FAM149B1: variants seen among roughly 807,000 people sequenced by gnomAD.
The protein encoded by FAM149B1 is primary cilium assembly protein FAM149B1.
Under a neutral mutation model 75.3 loss-of-function variants are expected in FAM149B1, and 56 were observed. The observed-to-expected ratio is 0.74, with a 90% CI of 0.60 to 0.93. The LOEUF (loss-of-function observed/expected upper bound fraction) is 0.93, where lower values mean the gene tolerates loss of function less well. Ranked by LOEUF, FAM149B1 falls within the 40% of genes least tolerant of loss-of-function variation. FAM149B1 has a pLI of 0.00. For synonymous variants in FAM149B1, 259 were observed against 256.1 expected (o/e 1.01, Z -0.11); for missense variants, 639 against 708.4 (o/e 0.90, Z 1.11).
intron 12 of FAM149B1, 69 bp from the exon 13 acceptor site, chr10:73,239,243 G>A (rs918702493): frequency 7.4e-7 from 1 of 1,346,068 alleles, no homozygotes; most frequent in African/African-American, 1.5e-5. Context: ...GTGTTCCTGT[G>A]AACCTGCTAA....
Position 73,244,175 on chromosome 10 carries a change from T to C in FAM149B1, c.*3156T>C. 4.1e-6 allele frequency: 2 copies of C among 486,862 alleles called. No individual in the cohort carries two copies. Among genetic ancestry groups the C allele is most frequent in the Non-Finnish European group, 7.3e-6 (2 of 275,656 alleles). The allele number at this position is 486,862 out of a possible 1,614,324, so 30.2% of individuals were successfully genotyped here. On this transcript the variant is annotated 3_prime_UTR_variant, in exon 14 of 14. Coordinates refer to ENST00000242505, the MANE Select transcript of FAM149B1 (RefSeq NM_173348.2). ...TATTTGCTAGAGGTAGTAAGTACTC[T>C]GGCACTCATAAATCACATGATGATA...
At chr10:73,209,643 T>C (rs2043145109) in intron 6 of FAM149B1, among the ~76,000 whole-genome samples, 1 of 152,188 alleles carries the variant, frequency 6.6e-6, no homozygotes, top group African/African-American at 2.4e-5. Context: ...TAATGATTTG[T>C]CTCAAGTAAA....
At chr10:73,192,805 A>G (rs761258069) in intron 4 of FAM149B1, 107 bp downstream of exon 4, 20 of 1,070,102 alleles carry the variant, frequency 1.9e-5, no homozygotes, top group Non-Finnish European at 2.5e-5. Context: ...CATGACTTTA[A>G]TGAATGTAAA....
At chr10:73,211,207 T>C (rs1466976037) in intron 7 of FAM149B1, among the ~76,000 whole-genome samples, 1 of 152,186 alleles carries the variant, frequency 6.6e-6, no homozygotes, top group African/African-American at 2.4e-5. Context: ...GATTCAATTG[T>C]TGGCCATCGC....
chr10:73,227,353 G>A (rs975604515), intron 7 of FAM149B1, among the ~76,000 whole-genome samples: 7 of 152,272 alleles, frequency 4.6e-5, no homozygotes, highest in South Asian at 2.1e-4. Flanking sequence ...CCACAGTGCC[G>A]GGATTACAGA....
intron 8 of FAM149B1, among the ~76,000 whole-genome samples, chr10:73,228,893 C>T (rs1042501255): frequency 1.3e-5 from 2 of 152,054 alleles, no homozygotes; most frequent in Non-Finnish European, 2.9e-5. Context: ...ACCACCGCAC[C>T]TGGTCCCTGT....
In FAM149B1 at chr10:73,168,153, G is replaced by A; in HGVS notation, c.-187G>A. 1.6e-6 allele frequency: 1 copy of A among 612,856 alleles called. No individual in the cohort carries two copies. The highest frequency in any genetic ancestry group is 2.8e-6 in the Non-Finnish European group (1 of 355,922). 38.0% of individuals were successfully genotyped at this position (612,856 alleles called of 1,614,324 possible). ...CCCGCGGCAAAGCAGGGAGGTCGGA[G>A]GACTGGAGAGGTGGGGACCCTGGGG... On this transcript the variant is annotated 5_prime_UTR_variant, in exon 1 of 14. Coordinates refer to ENST00000242505, the MANE Select transcript of FAM149B1 (RefSeq NM_173348.2).
intron 10 of FAM149B1, chr10:73,234,148 G>A (rs1179712365): frequency 6.6e-6 from 1 of 152,288 alleles, no homozygotes; most frequent in Non-Finnish European, 1.5e-5. Context: ...GGCCACAGCA[G>A]TGTTTTCAAT....
chr10:73,187,560 T>C (rs894640228), intron 3 of FAM149B1, among the ~76,000 whole-genome samples: 2 of 151,010 alleles, frequency 1.3e-5, no homozygotes, highest in African/African-American at 4.9e-5. Flanking sequence ...AGAAACCCCG[T>C]CTCTACTAAA....
chr10:73,209,136 A>G (rs1031552014), intron 6 of FAM149B1, among the ~76,000 whole-genome samples: 6 of 152,222 alleles, frequency 3.9e-5, no homozygotes, highest in African/African-American at 1.4e-4. Flanking sequence ...GACTTTGTTT[A>G]CATAAATTCT....
chr10:73,208,710 G>T lies in FAM149B1; in HGVS notation c.634G>T (p.Glu212Ter). The change falls in exon 6 of 14, where the codon GAA becomes TAA. Residue 212 changes from glutamate (E) to a stop codon, truncating the protein, a stop_gained. Transcript: ENST00000242505. LOFTEE classifies it high-confidence loss of function. ...CAAATCCTCCAGCTTTTGTTCTATG[G>T]AAAGAGATGAGGAAGACTCTATAAT... ...IAKSSSFCSM[E>*]RDEEDSIIVS... The T allele has an allele frequency of 6.5e-7, 1 of 1,548,838 alleles. No individual in the cohort carries two copies. The highest frequency in any genetic ancestry group is 2.4e-5 in the East Asian group (1 of 40,862).
chr10:73,195,984 C>T (rs980506838), intron 5 of FAM149B1, among the ~76,000 whole-genome samples: 1 of 152,112 alleles, frequency 6.6e-6, no homozygotes, highest in Non-Finnish European at 1.5e-5. Flanking sequence ...TATTTTCACT[C>T]GAGTACCATT....
Position 73,243,264 on chromosome 10 carries a change from A to C in FAM149B1, c.*2245A>C. Reference sequence around the variant, plus strand: ...CAGGTTGAGAGATTCTGCTTGGTCTAGTCAATCTGAAAAATTCAGGCTGGA... The same window carrying C: ...CAGGTTGAGAGATTCTGCTTGGTCTCGTCAATCTGAAAAATTCAGGCTGGA... On this transcript the variant is annotated 3_prime_UTR_variant, in exon 14 of 14. Coordinates refer to ENST00000242505, the MANE Select transcript of FAM149B1 (RefSeq NM_173348.2). 1.1e-6 allele frequency: 1 copy of C among 894,220 alleles called. No homozygotes were observed. The highest frequency in any genetic ancestry group is 1.7e-6 in the Non-Finnish European group (1 of 577,846). 55.4% of individuals were successfully genotyped at this position (894,220 alleles called of 1,614,324 possible).
chr10:73,227,999 A>T, intron 7 of FAM149B1, 61 bp from the exon 8 acceptor site: 1 of 1,492,464 alleles, frequency 6.7e-7, no homozygotes, highest in Non-Finnish European at 9.1e-7. Context: ...CTTTTTTCAC[A>T]ATACTGTTGC....
intron 1 of FAM149B1, among the ~76,000 whole-genome samples, chr10:73,171,651 C>T (rs1278587277): frequency 1.4e-5 from 2 of 139,470 alleles, no homozygotes; most frequent in African/African-American, 5.4e-5. Context: ...TTTTTTGAGA[C>T]AGAGTCTCAC....
intron 12 of FAM149B1, among the ~76,000 whole-genome samples, chr10:73,235,766 G>A (rs1368980827): frequency 1.3e-5 from 2 of 152,158 alleles, no homozygotes. Flanking sequence ...GAACTCCTGG[G>A]CTCAAGCAAT....
chr10:73,208,822 C>A, intron 6 of FAM149B1, 36 bp downstream of exon 6: 1 of 1,338,550 alleles, frequency 7.5e-7, no homozygotes, highest in South Asian at 2.1e-5. Flanking sequence ...TTACTCCCCT[C>A]TTATTTTGTG....
At chr10:73,210,060 T>C (rs1437507502) in intron 6 of FAM149B1, among the ~76,000 whole-genome samples, 191 bp from the exon 7 acceptor site, 1 of 152,244 alleles carries the variant, frequency 6.6e-6, no homozygotes, top group Non-Finnish European at 1.5e-5. Flanking sequence ...ATTGCCTCCT[T>C]CCCTTTCACT....
At position 73,244,503 on chromosome 10, in the gene FAM149B1, A is replaced by AG. The variant is rs1164684431; in HGVS notation, c.*3485dup. On this transcript the variant is annotated 3_prime_UTR_variant, in exon 14 of 14. Transcript: ENST00000242505. The stretch of plus-strand genomic sequence containing the variant: ...GGAGATGCCATCTCTTAGAAAAAAG[A>AG]GAAAAAAAAAAAAAAAAGGCAAATG... 1.4e-5 allele frequency: 2 copies of AG among 148,142 alleles called. No individual in the cohort carries two copies. The highest frequency in any genetic ancestry group is 5.0e-5 in the African/African-American group (2 of 39,612). 9.2% of individuals were successfully genotyped at this position (148,142 alleles called of 1,614,324 possible). A position where few individuals can be genotyped will look rare whatever the true frequency, so the allele number is the denominator to read the frequency against.
Sources: allele counts gnomAD v4.1 joint callset (sites outside exome capture counted in the v4.1 genomes callset), GRCh38; gene constraint gnomAD v4.1.1; transcripts MANE v1.5; gene names NCBI Gene and HGNC (gene_info 2026-07-23, HGNC 2026-07-21).